Variants in TAFA5 observed in about 807,000 individuals in gnomAD.
TAFA5 encodes chemokine-like protein TAFA-5.
TAFA5 carries 6 observed loss-of-function variants against 15.3 expected under a neutral mutation model. The ratio of observed to expected loss-of-function variants is 0.39; its 90% confidence interval spans 0.21 to 0.77. The LOEUF is 0.77. TAFA5 is among the 30% of genes least tolerant of loss of function. TAFA5 has a pLI of 0.41. For missense variants in TAFA5, 161 were observed against 193.1 expected (o/e 0.83, Z 0.98); for synonymous variants, 103 against 80.7 (o/e 1.28, Z -1.48).
intron 1 of TAFA5, among the ~76,000 whole-genome samples, chr22:48,495,606 C>A (rs1195539971): frequency 6.6e-6 from 1 of 152,200 alleles, no homozygotes; most frequent in Admixed American, 6.5e-5. Context: ...GGCCCTGCAC[C>A]CAGCCGGCAT....
chr22:48,699,194 A>T (rs1928824856), intron 2 of TAFA5, among the ~76,000 whole-genome samples: 1 of 152,000 alleles, frequency 6.6e-6, no homozygotes, highest in African/African-American at 2.4e-5. Flanking sequence ...GGGCCTCCCA[A>T]AGTGCTGGGA....
rs139088879 is a variant in TAFA5 at position 48,666,053 on chromosome 22, C to T, written c.262+19307C>T. On this transcript the variant is annotated intron_variant, in intron 2 of 3. Transcript: ENST00000402357. Reference sequence around the variant, plus strand: ...GAGGGTGGGGACTGGGAGAGGTCCCCGGCCTGGTGGTCTTTCTAATGGCCT... The same window carrying T: ...GAGGGTGGGGACTGGGAGAGGTCCCTGGCCTGGTGGTCTTTCTAATGGCCT... Among the ~76,000 whole-genome samples the T allele has an allele frequency of 3.8e-3, 575 of 152,312 alleles. 7 individuals carry two copies. Among genetic ancestry groups the T allele is most frequent in the African/African-American group, 0.013 (527 of 41,578 alleles).
chr22:48,502,520 ATTTTTTTT>A, intron 1 of TAFA5, among the ~76,000 whole-genome samples: 1 of 130,722 alleles, frequency 7.6e-6, no homozygotes, highest in Admixed American at 7.6e-5. Context: ...TCTCTTTGGA[ATTTTTTTT>A]TTTTTTTTTT....
At chr22:48,547,398 C>G (rs1405887205) in intron 1 of TAFA5, 1 of 152,250 alleles carries the variant, frequency 6.6e-6, no homozygotes. Context: ...AGCCTTTCCC[C>G]AGGTGTTTGC....
chr22:48,674,742 C>T (rs554816160), intron 2 of TAFA5, among the ~76,000 whole-genome samples: 11 of 152,212 alleles, frequency 7.2e-5, no homozygotes, highest in African/African-American at 2.4e-4. Context: ...TTAGCTTGCC[C>T]GTTGGGTCTG....
rs544958976 is a variant in TAFA5 at position 48,662,365 on chromosome 22, T to C, written c.262+15619T>C. ...AGGTGACGGATCACTCTGATGGCCT[T>C]CTACAAAAATCTCTCTGCTGCTCTC... On this transcript the variant is annotated intron_variant, in intron 2 of 3. Transcript: ENST00000402357. Among the ~76,000 whole-genome samples, 96 of 152,206 alleles carry C rather than the reference T, an allele frequency of 6.3e-4. 4 individuals carry two copies. The highest frequency in any genetic ancestry group is 2.2e-4 in the Non-Finnish European group (15 of 68,012).
chr22:48,584,614 A>G (rs376088174), intron 1 of TAFA5, among the ~76,000 whole-genome samples: 3 of 148,066 alleles, frequency 2.0e-5, no homozygotes, highest in Non-Finnish European at 1.5e-5. Flanking sequence ...CCACACACGC[A>G]TGCACACACA....
chr22:48,657,447 G>A (rs6010479), intron 2 of TAFA5, among the ~76,000 whole-genome samples: 22,678 of 152,084 alleles, frequency 0.15, 2,796 homozygotes, highest in East Asian at 0.36. Context: ...TGGTCCAAAC[G>A]CTTAAAGAAA....
intron 1 of TAFA5, among the ~76,000 whole-genome samples, chr22:48,524,639 G>A (rs1363849390): frequency 6.6e-6 from 1 of 152,234 alleles, no homozygotes; most frequent in African/African-American, 2.4e-5. Context: ...GGCATGGTTA[G>A]TTCTCACACG....
intron 2 of TAFA5, among the ~76,000 whole-genome samples, chr22:48,707,493 G>A (rs1320918570): frequency 3.3e-5 from 5 of 152,156 alleles, no homozygotes; most frequent in African/African-American, 1.2e-4. Flanking sequence ...CTCCACGACT[G>A]GCCGATGGCA....
At chr22:48,619,441 C>G (rs539558867) in intron 1 of TAFA5, among the ~76,000 whole-genome samples, 5 of 152,188 alleles carry the variant, frequency 3.3e-5, no homozygotes, top group African/African-American at 9.7e-5. Context: ...CTGCAACCTC[C>G]GCCTCCCAGG....
intron 2 of TAFA5, among the ~76,000 whole-genome samples, chr22:48,702,140 T>TGC (rs199599023): frequency 6.7e-6 from 1 of 150,038 alleles, no homozygotes; most frequent in Non-Finnish European, 1.5e-5. Flanking sequence ...TGTGTGTGTG[T>TGC]GCGTGTGTGC....
rs937994952 is a variant in TAFA5, at chr22:48,550,805, C to G, written c.112+61101C>G. Among the ~76,000 whole-genome samples, 1 of 152,050 alleles carries G rather than the reference C, an allele frequency of 6.6e-6. No homozygotes were observed. The highest frequency in any genetic ancestry group is 1.5e-5 in the Non-Finnish European group (1 of 67,994). ...AAGCTTTCTCTGACCTTCTTGTTCT[C>G]GGGAAAGAGCGGTGCCTCCAGGATT... On this transcript the variant is annotated intron_variant, in intron 1 of 3. Transcript: ENST00000402357. This position sits in a 1 kb window ranked among gnomAD's most constrained non-coding sequence, Gnocchi z 4.1.
At position 48,728,562 on chromosome 22, in the gene TAFA5, T is replaced by C. The variant is rs185693589; in HGVS notation, c.390+20718T>C. Reference sequence around the variant, plus strand: ...GAGCAGGGCTAGCACTACTGAACAATATTATATATGCATTTGAGTTATTGA... The same window carrying C: ...GAGCAGGGCTAGCACTACTGAACAACATTATATATGCATTTGAGTTATTGA... On this transcript the variant is annotated intron_variant, in intron 3 of 3. Transcript: ENST00000402357. Among the ~76,000 whole-genome samples the C allele has an allele frequency of 9.8e-5, 15 of 152,326 alleles. No homozygotes were observed. In the East Asian group the frequency reaches 2.9e-3, roughly 29 times the overall value.
chr22:48,702,128 A>AGT (rs71669916), intron 2 of TAFA5, among the ~76,000 whole-genome samples: 16,253 of 107,722 alleles, frequency 0.15, 977 homozygotes, highest in African/African-American at 0.21. Flanking sequence ...CTTGTGTGTG[A>AGT]GTGTGTGTGT....
intron 3 of TAFA5, among the ~76,000 whole-genome samples, chr22:48,740,960 C>A (rs574929607): frequency 6.6e-6 from 1 of 152,258 alleles, no homozygotes; most frequent in South Asian, 2.1e-4. Flanking sequence ...CCTCGCAGGG[C>A]CCCGAGTCAG....
intron 3 of TAFA5, among the ~76,000 whole-genome samples, chr22:48,712,563 A>G (rs130160): frequency 0.71 from 107,889 of 152,136 alleles, 38,462 homozygotes; most frequent in Admixed American, 0.76. Flanking sequence ...CTAGGTTGCT[A>G]TGAAAGGCTG....
At chr22:48,558,830 G>T (rs1032782209) in intron 1 of TAFA5, among the ~76,000 whole-genome samples, 5 of 152,238 alleles carry the variant, frequency 3.3e-5, no homozygotes, top group African/African-American at 1.2e-4. Context: ...CGTGTGCCAG[G>T]TGCCTGGGCG....
rs1270973984 is a variant in TAFA5, at chr22:48,566,387, G to A, written c.112+76683G>A. On this transcript the variant is annotated intron_variant, in intron 1 of 3. Transcript: ENST00000402357. This position sits in a 1 kb window ranked among gnomAD's most constrained non-coding sequence, Gnocchi z 4.5. Reference sequence around the variant, plus strand: ...CGGATGGTGGATGGATGGGTGGATGGTGAATGATGGGTAGATGGTAGGTGG... The same window carrying A: ...CGGATGGTGGATGGATGGGTGGATGATGAATGATGGGTAGATGGTAGGTGG... Among the ~76,000 whole-genome samples the A allele has an allele frequency of 6.6e-6, 1 of 151,918 alleles. No homozygotes were observed. The highest frequency in any genetic ancestry group is 2.4e-5 in the African/African-American group (1 of 41,350).
Sources: gnomAD v4.1 joint callset for allele counts (sites outside exome capture counted in the v4.1 genomes callset) on GRCh38, gnomAD v4.1.1 for gene constraint, Gnocchi (gnomAD v3.1) non-coding constraint, MANE v1.5 for transcripts, NCBI Gene and HGNC (gene_info 2026-07-23, HGNC 2026-07-21) for gene names.